TMC1: variants seen among roughly 807,000 people sequenced by gnomAD.
TMC1 encodes transmembrane channel-like protein 1.
TMC1 carries 84 observed loss-of-function variants against 105.8 expected under a neutral mutation model. That is an observed-to-expected ratio of 0.79 (90% CI 0.67 to 0.95). The LOEUF is 0.95. Ranked by LOEUF, TMC1 falls within the 40% of genes least tolerant of loss-of-function variation. The probability of loss-of-function intolerance (pLI) is 0.00; values close to 1 mark genes in which losing one functional copy is unlikely to be tolerated. For missense variants in TMC1, 817 were observed against 914.1 expected (o/e 0.89, Z 1.37); for synonymous variants, 315 against 311.5 (o/e 1.01, Z -0.12).
intron 5 of TMC1, among the ~76,000 whole-genome samples, chr9:72,679,843 G>A (rs1007098912): frequency 6.6e-6 from 1 of 151,986 alleles, no homozygotes; most frequent in Non-Finnish European, 1.5e-5. Context: ...CCTTTCATGG[G>A]CAGGAACTGG....
In TMC1 at chr9:72,712,820, G is replaced by T. The variant is rs149746929; in HGVS notation, c.362+12177G>T. Among the ~76,000 whole-genome samples the T allele has an allele frequency of 3.2e-3, 491 of 152,312 alleles. 2 individuals are homozygous for T. Among genetic ancestry groups the T allele is most frequent in the African/African-American group, 0.01 (433 of 41,570 alleles). ...CAATACTATGTTGAATAGGAGTGGT[G>T]AGAGAAGACATCCTTGTCTTATGCT... On this transcript the variant is annotated intron_variant, in intron 8 of 23. Coordinates refer to ENST00000297784, the MANE Select transcript of TMC1 (RefSeq NM_138691.3).
intron 4 of TMC1, among the ~76,000 whole-genome samples, chr9:72,635,384 A>G (rs1470523604): frequency 1.3e-5 from 2 of 152,212 alleles, no homozygotes; most frequent in Non-Finnish European, 2.9e-5. Context: ...CTCTAACCAC[A>G]TGGTTGATTT....
chr9:72,609,595 C>G (rs1483718153), intron 2 of TMC1, among the ~76,000 whole-genome samples: 2 of 151,926 alleles, frequency 1.3e-5, no homozygotes, highest in African/African-American at 4.8e-5. Context: ...CCTTGAAAGA[C>G]AGAGGAAAGG....
chr9:72,663,791 G>T, intron 5 of TMC1, among the ~76,000 whole-genome samples: 1 of 104,598 alleles, frequency 9.6e-6, no homozygotes, highest in Admixed American at 8.9e-5. Flanking sequence ...TTGAACTTTT[G>T]ACTCTTGTAA....
At chr9:72,605,565 A>G (rs762207854) in intron 2 of TMC1, among the ~76,000 whole-genome samples, 38 of 145,284 alleles carry the variant, frequency 2.6e-4, no homozygotes, top group Non-Finnish European at 5.2e-4. Flanking sequence ...TAAGCATTCC[A>G]GTCAGATTAA....
chr9:72,580,723 A>C (rs189329319), intron 2 of TMC1, among the ~76,000 whole-genome samples: 6 of 152,346 alleles, frequency 3.9e-5, no homozygotes, highest in South Asian at 2.1e-4. Flanking sequence ...GACGAAAAAC[A>C]AACAAGCAAA....
chr9:72,806,136 C>T (rs1456640142), intron 18 of TMC1, among the ~76,000 whole-genome samples: 1 of 151,124 alleles, frequency 6.6e-6, no homozygotes, highest in Non-Finnish European at 1.5e-5. Context: ...CAGAGGCGCC[C>T]CTCACCTCCC....
intron 5 of TMC1, among the ~76,000 whole-genome samples, chr9:72,685,457 G>A (rs957484714): frequency 1.3e-5 from 2 of 150,790 alleles, no homozygotes; most frequent in South Asian, 2.1e-4. Flanking sequence ...TCTGCCTCCC[G>A]GGTTCAGGTG....
chr9:72,633,132 G>A (rs1368407227), intron 4 of TMC1, among the ~76,000 whole-genome samples: 1 of 152,094 alleles, frequency 6.6e-6, no homozygotes, highest in Non-Finnish European at 1.5e-5. Context: ...AAGAATAGGT[G>A]GAATTTTTCC....
At chr9:72,542,596 G>C (rs1306529836) in intron 1 of TMC1, among the ~76,000 whole-genome samples, 1 of 151,800 alleles carries the variant, frequency 6.6e-6, no homozygotes, top group South Asian at 2.1e-4. Context: ...CTCCAGCCTA[G>C]GGGGGAGAAA....
intron 8 of TMC1, chr9:72,700,860 A>G (rs1428439640): frequency 5.0e-6 from 1 of 201,332 alleles, no homozygotes; most frequent in Non-Finnish European, 1.0e-5. Flanking sequence ...ACAGTCATAA[A>G]CATGTATATC....
At chr9:72,828,716 C>A (rs1048454570) in intron 21 of TMC1, among the ~76,000 whole-genome samples, 1 of 152,160 alleles carries the variant, frequency 6.6e-6, no homozygotes, top group Non-Finnish European at 1.5e-5. Context: ...CTAAGTGGAA[C>A]TGAAACTCAT....
intron 2 of TMC1, among the ~76,000 whole-genome samples, chr9:72,610,215 T>C (rs1825001227): frequency 6.6e-6 from 1 of 152,220 alleles, no homozygotes; most frequent in Admixed American, 6.5e-5. Context: ...TTTTAAAATA[T>C]TGGACTAGAG....
intron 10 of TMC1, among the ~76,000 whole-genome samples, chr9:72,749,690 A>T (rs1827547555): frequency 6.6e-6 from 1 of 152,204 alleles, no homozygotes; most frequent in South Asian, 2.1e-4. Context: ...TTGTGAGCAT[A>T]AAGAAAAATA....
chr9:72,689,123 A>G (rs772101062), intron 6 of TMC1, among the ~76,000 whole-genome samples: 1 of 152,164 alleles, frequency 6.6e-6, no homozygotes, highest in Non-Finnish European at 1.5e-5. Flanking sequence ...CAAAGTGTGG[A>G]TAGCAGTGTA....
chr9:72,680,043 A>G (rs754030121), intron 5 of TMC1, among the ~76,000 whole-genome samples: 3 of 152,098 alleles, frequency 2.0e-5, no homozygotes, highest in Non-Finnish European at 2.9e-5. Context: ...ACACATCTCA[A>G]TCACATTTAA....
intron 10 of TMC1, among the ~76,000 whole-genome samples, chr9:72,750,837 A>C (rs1352258456): frequency 6.6e-6 from 1 of 152,050 alleles, no homozygotes; most frequent in Non-Finnish European, 1.5e-5. Context: ...TCCCTCATTC[A>C]TGTACTCCAA....
intron 20 of TMC1, among the ~76,000 whole-genome samples, chr9:72,822,470 C>A (rs1244044467): frequency 6.6e-6 from 1 of 151,836 alleles, no homozygotes; most frequent in Non-Finnish European, 1.5e-5. Flanking sequence ...AGCTGGACCT[C>A]TGTCTACTCA....
intron 1 of TMC1, among the ~76,000 whole-genome samples, chr9:72,541,911 A>G (rs1394918049): frequency 6.6e-6 from 1 of 152,174 alleles, no homozygotes. Context: ...TAGCACACAT[A>G]GCTGAAAAAC....
Sources: gnomAD v4.1 joint callset for allele counts (sites outside exome capture counted in the v4.1 genomes callset) on GRCh38, gnomAD v4.1.1 for gene constraint, MANE v1.5 for transcripts, NCBI Gene and HGNC (gene_info 2026-07-23, HGNC 2026-07-21) for gene names.